CLN6: variants seen among roughly 807,000 people sequenced by gnomAD.
CLN6 encodes ceroid-lipofuscinosis neuronal protein 6.
CLN6 carries 22 observed loss-of-function variants against 33.3 expected under a neutral mutation model. The ratio of observed to expected loss-of-function variants is 0.66; its 90% CI spans 0.47 to 0.94. The LOEUF (loss-of-function observed/expected upper bound fraction) is 0.94. Among genes scored for constraint, CLN6 ranks in the 40% least tolerant of loss-of-function variants. The pLI is 0.00. For synonymous variants in CLN6, 201 were observed against 174.6 expected, an observed-to-expected ratio of 1.15 and a Z score of -1.19; for missense variants, 387 against 417.1, an observed-to-expected ratio of 0.93 and a Z score of 0.63.
intron 1 of CLN6, among the ~76,000 whole-genome samples, chr15:68,235,587 A>AATAAATAAATAT (rs1862434089): frequency 1.1e-5 from 1 of 95,084 alleles, no homozygotes; most frequent in Admixed American, 9.9e-5. Flanking sequence ...AATAAAAATA[A>AATAAATAAATAT]ATATATATAT....
In CLN6 at chr15:68,247,954, G is replaced by C. The variant is rs368222562; in HGVS notation, c.179+8736C>G. The stretch of plus-strand genomic sequence containing the variant: ...GAGGCAGGAGAATCACTTGAACCTG[G>C]GAGGTGGAGGTTGCAGTGAGCTGAG... On this transcript the variant is annotated intron_variant, in intron 1 of 6. Coordinates refer to the CLN6 transcript ENST00000538696. This position sits in a 1 kb window ranked among gnomAD's most constrained non-coding sequence, Gnocchi z 4.2. 5.9e-5 allele frequency among the ~76,000 whole-genome samples: 9 copies of C among 151,562 alleles called. No individual in the cohort carries two copies. The highest frequency in any genetic ancestry group is 2.2e-4 in the African/African-American group (9 of 41,036).
chr15:68,211,617 C>A lies in CLN6; in HGVS notation c.486+58G>T. On this transcript the variant is annotated intron_variant, in intron 4 of 6. Coordinates refer to ENST00000249806, the MANE Select transcript of CLN6 (RefSeq NM_017882.3). This position sits in a 1 kb window ranked among gnomAD's most constrained non-coding sequence, Gnocchi z 5.9. Reference sequence around the variant, plus strand: ...GAGGGGTGGGGGCCATTTCTTCAGCCTCCCAGGACAGACTGTGCTCCTAGG... The same window carrying A: ...GAGGGGTGGGGGCCATTTCTTCAGCATCCCAGGACAGACTGTGCTCCTAGG... 1.2e-6 allele frequency: 2 copies of A among 1,608,442 alleles called. No individual in the cohort carries two copies. The highest frequency in any genetic ancestry group is 1.7e-6 in the Non-Finnish European group (2 of 1,179,944).
intron 1 of CLN6, among the ~76,000 whole-genome samples, chr15:68,226,405 C>T (rs925820361): frequency 3.3e-5 from 5 of 151,878 alleles, no homozygotes; most frequent in African/African-American, 1.2e-4. Context: ...TTGAGCAAGT[C>T]ACTTAACTTC....
rs985502209 is a variant in CLN6 at position 68,240,986 on chromosome 15, AAAAAAAAAAAAC to A, written c.179+15692_179+15703del. On this transcript the variant is annotated intron_variant, in intron 1 of 6. Coordinates refer to the CLN6 transcript ENST00000538696. ...GCGACAGAAGGAGCCTCCATCTCCC[AAAAAAAAAAAAC>A]AAAAAAAAAAACACAGTAGCATTCA... 5.9e-4 allele frequency among the ~76,000 whole-genome samples: 86 copies of A among 144,778 alleles called. No homozygotes were observed. The South Asian group carries it at 7.1e-3, about 12-fold the overall frequency. 95.0% of individuals were successfully genotyped at this position (144,778 alleles called of 152,430 possible).
At chr15:68,235,030 AAAG>A (rs1261764687) in intron 1 of CLN6, among the ~76,000 whole-genome samples, 13 of 152,128 alleles carry the variant, frequency 8.5e-5, no homozygotes, top group Non-Finnish European at 1.5e-5. Context: ...CAAAACAAAA[AAAG>A]AATAAAACAA....
intron 2 of CLN6, among the ~76,000 whole-genome samples, chr15:68,217,914 T>A (rs1438014885): frequency 3.9e-4 from 1 of 2,546 alleles, no homozygotes; most frequent in African/African-American, 4.7e-4. Flanking sequence ...CCTACCTACC[T>A]ACCTATCTAT....
At chr15:68,229,108 T>C (rs553714735) in intron 1 of CLN6, among the ~76,000 whole-genome samples, 6 of 151,428 alleles carry the variant, frequency 4.0e-5, no homozygotes, top group African/African-American at 1.2e-4. Context: ...CGCCCGGAAC[T>C]TGCGGATAAG....
chr15:68,229,759 C>CGGAGT, upstream of CLN6: 1 of 50,612 alleles, frequency 2.0e-5, no homozygotes, highest in Non-Finnish European at 5.4e-5. Flanking sequence ...CGGGGCGGAG[C>CGGAGT]GGAGCGGAGC....
At chr15:68,223,038 G>A (rs917197219) in intron 1 of CLN6, among the ~76,000 whole-genome samples, 3 of 152,062 alleles carry the variant, frequency 2.0e-5, no homozygotes, top group Middle Eastern at 3.4e-3. Flanking sequence ...CTTTGTTCAC[G>A]TGTTTATCTG....
At chr15:68,252,156 TAG>T (rs1892388237) in intron 1 of CLN6, among the ~76,000 whole-genome samples, 1 of 152,074 alleles carries the variant, frequency 6.6e-6, no homozygotes, top group African/African-American at 2.4e-5. Context: ...GTATTTTTAG[TAG>T]AGATAGTGTT....
chr15:68,253,207 T>G lies in CLN6; in HGVS notation c.179+3483A>C, dbSNP rs562578031. On this transcript the variant is annotated intron_variant, in intron 1 of 6. Transcript: ENST00000538696. ...TTCTAGCAGCATTCTAATTTCCCCA[T>G]GCGGATACATATAAAATAGGGCTTG... 2.6e-5 allele frequency among the ~76,000 whole-genome samples: 4 copies of G among 152,352 alleles called. No homozygotes were observed. The East Asian group carries it at 5.8e-4, about 22-fold the overall frequency.
At position 68,210,776 on chromosome 15, in the gene CLN6, C is replaced by G. The variant is rs1264855375; in HGVS notation, c.542+487G>C. The stretch of plus-strand genomic sequence containing the variant: ...AGTTCTGAAGAGGGGGGAGCGCAAA[C>G]AGCACGCCCCTCCCCAGCCTGATCC... On this transcript the variant is annotated intron_variant, in intron 5 of 6. Coordinates refer to ENST00000249806, the MANE Select transcript of CLN6 (RefSeq NM_017882.3). This position sits in a 1 kb window ranked among gnomAD's most constrained non-coding sequence, Gnocchi z 5.6. Among the ~76,000 whole-genome samples, 3 of 152,176 alleles carry G rather than the reference C, an allele frequency of 2.0e-5. No individual in the cohort carries two copies. The highest frequency in any genetic ancestry group is 4.4e-5 in the Non-Finnish European group (3 of 68,014).
chr15:68,255,344 T>C (rs548535424), intron 1 of CLN6, among the ~76,000 whole-genome samples: 5 of 152,174 alleles, frequency 3.3e-5, no homozygotes, highest in Admixed American at 6.5e-5. Flanking sequence ...TGTCAGGCAA[T>C]CTAGCCTTTC....
Position 68,236,347 on chromosome 15 carries a change from G to A in CLN6, c.180-17697C>T, listed in dbSNP as rs762578623. On this transcript the variant is annotated intron_variant, in intron 1 of 6. Coordinates refer to the CLN6 transcript ENST00000538696. This position sits in a 1 kb window ranked among gnomAD's most constrained non-coding sequence, Gnocchi z 4.5. ...ATTATTCATAATAGCCAACAAGTGA[G>A]AACAACTCCAAAATCCATCAACTTG... Among the ~76,000 whole-genome samples, 86 of 152,312 alleles carry A rather than the reference G, an allele frequency of 5.6e-4. No individual in the cohort carries two copies. The highest frequency in any genetic ancestry group is 8.8e-4 in the Non-Finnish European group (60 of 68,016).
chr15:68,251,363 C>G (rs563421820), intron 1 of CLN6, among the ~76,000 whole-genome samples: 78 of 152,078 alleles, frequency 5.1e-4, no homozygotes, highest in Non-Finnish European at 9.1e-4. Context: ...TCACTGTAAA[C>G]ATTGTTCCAT....
chr15:68,249,721 AC>A (rs1251776902), intron 1 of CLN6, among the ~76,000 whole-genome samples: 21 of 152,274 alleles, frequency 1.4e-4, no homozygotes, highest in African/African-American at 4.6e-4. Context: ...AAGAAAGAAG[AC>A]CTGATATTCG....
chr15:68,226,527 C>T (rs1440745950), intron 1 of CLN6, among the ~76,000 whole-genome samples: 2 of 151,834 alleles, frequency 1.3e-5, no homozygotes, highest in Admixed American at 6.6e-5. Flanking sequence ...AGTATAATGG[C>T]GCGATCTTGG....
At chr15:68,233,912 C>A (rs774403355), upstream of CLN6, among the ~76,000 whole-genome samples, 4 of 152,210 alleles carry the variant, frequency 2.6e-5, no homozygotes, top group Admixed American at 6.5e-5. The surrounding 1 kb of genome is among the most constrained non-coding windows in gnomAD (Gnocchi z 4.3). Flanking sequence ...CACTCCCCAT[C>A]TGGCTGAAGA....
At chr15:68,253,782 AC>A (rs1892404337) in intron 1 of CLN6, among the ~76,000 whole-genome samples, 1 of 150,378 alleles carries the variant, frequency 6.6e-6, no homozygotes, top group Non-Finnish European at 1.5e-5. Flanking sequence ...GTGGCGACAC[AC>A]AAACAGCATA....
Sources: gnomAD v4.1 joint callset for allele counts (sites outside exome capture counted in the v4.1 genomes callset) on GRCh38, gnomAD v4.1.1 for gene constraint, Gnocchi (gnomAD v3.1) non-coding constraint, MANE v1.5 for transcripts, NCBI Gene and HGNC (gene_info 2026-07-23, HGNC 2026-07-21) for gene names.